The following DAP variants were observed in gnomAD, a reference collection of about 807,000 sequenced individuals.
DAP encodes death associated protein.
In DAP, 8 loss-of-function variants were observed where a neutral mutation model predicts 13.8. The observed-to-expected ratio is 0.58, with a 90% CI of 0.34 to 1.05. The LOEUF (loss-of-function observed/expected upper bound fraction) is 1.05, where lower values mean the gene tolerates loss of function less well. Ranked by LOEUF, DAP falls within the 50% of genes least tolerant of loss-of-function variation. The pLI is 0.03. For missense variants in DAP, 106 were observed against 133.2 expected (o/e 0.80, Z 1.01); for synonymous variants, 47 against 47.5 (o/e 0.99, Z 0.04).
At chr5:10,756,742 A>C (rs901033885) in intron 1 of DAP, among the ~76,000 whole-genome samples, 3 of 152,240 alleles carry the variant, frequency 2.0e-5, no homozygotes, top group African/African-American at 7.2e-5. Flanking sequence ...AAGAGATTTT[A>C]CACATCTCAC....
chr5:10,752,420 A>G (rs1304669650), intron 1 of DAP, among the ~76,000 whole-genome samples: 1 of 152,276 alleles, frequency 6.6e-6, no homozygotes, highest in Non-Finnish European at 1.5e-5. Context: ...TTGTAAAACT[A>G]CAAAAGAAGA....
Position 10,739,115 on chromosome 5 carries a change from T to C in DAP, c.152+9060A>G, listed in dbSNP as rs1171451043. 4.2e-5 allele frequency among the ~76,000 whole-genome samples: 6 copies of C among 141,568 alleles called. No homozygotes were observed. The South Asian group carries it at 8.7e-4, about 21-fold the overall frequency. The allele number at this position is 141,568 out of a possible 152,430, so 92.9% of individuals were successfully genotyped here. A position where few individuals can be genotyped will look rare whatever the true frequency, so the allele number is the denominator to read the frequency against. On this transcript the variant is annotated intron_variant, in intron 2 of 3. Transcript: ENST00000230895. The stretch of plus-strand genomic sequence containing the variant: ...TGCTGGGGAGGCTGAGGCAGGAGAA[T>C]GGCGTGAACCTGGGAGGTGGAGCTT...
chr5:10,742,420 G>A (rs562279116), intron 2 of DAP, among the ~76,000 whole-genome samples: 9 of 152,196 alleles, frequency 5.9e-5, no homozygotes, highest in South Asian at 2.1e-4. Flanking sequence ...CCAGCTACTC[G>A]GGAGGCTGAG....
chr5:10,749,213 T>G (rs966800808), intron 1 of DAP, among the ~76,000 whole-genome samples: 1 of 152,374 alleles, frequency 6.6e-6, no homozygotes, highest in South Asian at 2.1e-4. Context: ...ACTCATCAAT[T>G]AGACATTTGC....
At chr5:10,731,228 AGT>A (rs1739450621) in intron 2 of DAP, among the ~76,000 whole-genome samples, 1 of 58,394 alleles carries the variant, frequency 1.7e-5, no homozygotes, top group South Asian at 7.0e-4. Context: ...TGAGAGCCCT[AGT>A]GGGGGGGAAT....
intron 2 of DAP, among the ~76,000 whole-genome samples, chr5:10,694,056 G>C (rs949240261): frequency 6.6e-6 from 1 of 151,344 alleles, no homozygotes; most frequent in Non-Finnish European, 1.5e-5. Context: ...CAAGGGCTGT[G>C]CTCTTCAGTC....
chr5:10,699,010 A>C (rs1738500316), intron 2 of DAP, among the ~76,000 whole-genome samples: 1 of 152,196 alleles, frequency 6.6e-6, no homozygotes, highest in African/African-American at 2.4e-5. Flanking sequence ...GGTGAGCTCT[A>C]AAAGTCCCAA....
intron 2 of DAP, among the ~76,000 whole-genome samples, chr5:10,718,842 A>G (rs986383621): frequency 1.3e-5 from 2 of 152,202 alleles, no homozygotes; most frequent in African/African-American, 4.8e-5. Context: ...TTACTGTCCT[A>G]CCTCAGGGGT....
chr5:10,679,783 G>A lies in DAP; in HGVS notation c.*1273C>T, dbSNP rs1183320613. 2 of 152,430 alleles carry A rather than the reference G, an allele frequency of 1.3e-5. No individual in the cohort carries two copies. The highest frequency in any genetic ancestry group is 4.8e-5 in the African/African-American group (2 of 41,472). 9.4% of individuals were successfully genotyped at this position (152,430 alleles called of 1,614,324 possible). A position where few individuals can be genotyped will look rare whatever the true frequency, so the allele number is the denominator to read the frequency against. On this transcript the variant is annotated 3_prime_UTR_variant, in exon 4 of 4. Coordinates refer to ENST00000230895, the MANE Select transcript of DAP (RefSeq NM_004394.3). The stretch of plus-strand genomic sequence containing the variant: ...AGGTCTGCCTCTGCCCTCACCAGCT[G>A]GCAGACGTGAACTGGAGAACAGCAC...
intron 1 of DAP, among the ~76,000 whole-genome samples, chr5:10,753,010 C>T (rs992026344): frequency 6.6e-6 from 1 of 152,210 alleles, no homozygotes; most frequent in African/African-American, 2.4e-5. Flanking sequence ...GAGCGCTGCC[C>T]TACGGGTTGC....
intron 2 of DAP, among the ~76,000 whole-genome samples, chr5:10,729,987 G>A (rs1053862221): frequency 4.6e-5 from 7 of 152,342 alleles, no homozygotes; most frequent in African/African-American, 1.7e-4. Context: ...AGAAGGCCTT[G>A]GCTACCATTA....
intron 2 of DAP, among the ~76,000 whole-genome samples, chr5:10,737,288 G>C (rs567383775): frequency 6.6e-6 from 1 of 150,828 alleles, no homozygotes; most frequent in Non-Finnish European, 1.5e-5. Context: ...AGAGCTTGCA[G>C]TGAGCTGAGA....
At chr5:10,708,380 A>C (rs1738753658) in intron 2 of DAP, among the ~76,000 whole-genome samples, 1 of 151,892 alleles carries the variant, frequency 6.6e-6, no homozygotes, top group Non-Finnish European at 1.5e-5. Flanking sequence ...ATGCACAGAC[A>C]TACATACACA....
intron 1 of DAP, among the ~76,000 whole-genome samples, chr5:10,757,334 G>T (rs1316706071): frequency 2.0e-5 from 3 of 152,148 alleles, no homozygotes; most frequent in South Asian, 2.1e-4. Flanking sequence ...GAGTCCAGTG[G>T]TGTGATCCTG....
chr5:10,694,409 C>CAT (rs1738384018), intron 2 of DAP, among the ~76,000 whole-genome samples: 2 of 151,934 alleles, frequency 1.3e-5, no homozygotes, highest in East Asian at 1.9e-4. Context: ...CACACACACA[C>CAT]GCACATACAC....
intron 2 of DAP, among the ~76,000 whole-genome samples, chr5:10,693,880 C>T (rs1270439550): frequency 1.3e-5 from 2 of 152,130 alleles, no homozygotes; most frequent in African/African-American, 4.8e-5. Context: ...AAAATGATCA[C>T]TTATGTCTCT....
chr5:10,756,739 T>C (rs549199923), intron 1 of DAP, among the ~76,000 whole-genome samples: 2 of 152,294 alleles, frequency 1.3e-5, no homozygotes, highest in Admixed American at 6.5e-5. Flanking sequence ...ACAAAGAGAT[T>C]TTACACATCT....
At chr5:10,702,254 A>G (rs952871199) in intron 2 of DAP, among the ~76,000 whole-genome samples, 1 of 152,224 alleles carries the variant, frequency 6.6e-6, no homozygotes, top group African/African-American at 2.4e-5. Context: ...CCCTCAGCTT[A>G]GCACAAGTTT....
intron 2 of DAP, among the ~76,000 whole-genome samples, chr5:10,685,127 T>C (rs2126634615): frequency 6.6e-6 from 1 of 152,054 alleles, no homozygotes. Context: ...CCAAAGAGTT[T>C]ACCAAAAACA....
Sources: gnomAD v4.1 joint callset for allele counts (sites outside exome capture counted in the v4.1 genomes callset) on GRCh38, gnomAD v4.1.1 for gene constraint, MANE v1.5 for transcripts, NCBI Gene and HGNC (gene_info 2026-07-23, HGNC 2026-07-21) for gene names.